CGNL1: variants seen among roughly 807,000 people sequenced by gnomAD.
The protein encoded by CGNL1 is cingulin-like protein 1.
CGNL1 carries 132 observed loss-of-function variants against 141.2 expected under a neutral mutation model. The observed-to-expected ratio is 0.93, with a 90% CI of 0.81 to 1.08. The LOEUF (loss-of-function observed/expected upper bound fraction) is 1.08. Ranked by LOEUF, CGNL1 falls within the 50% of genes least tolerant of loss-of-function variation. CGNL1 has a pLI of 0.00. For synonymous variants in CGNL1, 690 were observed against 622.1 expected (o/e 1.11, Z -1.63); for missense variants, 1,870 against 1,588.6 (o/e 1.18, Z -3.01).
chr15:57,430,610 C>T (rs941842336), intron 1 of CGNL1, among the ~76,000 whole-genome samples: 1 of 152,040 alleles, frequency 6.6e-6, no homozygotes, highest in Admixed American at 6.6e-5. Flanking sequence ...CACAGGGAAA[C>T]GAGGCGGGTA....
intron 8 of CGNL1, among the ~76,000 whole-genome samples, chr15:57,487,379 A>G (rs2063799203): frequency 6.6e-6 from 1 of 152,154 alleles, no homozygotes; most frequent in Non-Finnish European, 1.5e-5. Flanking sequence ...AAAAAGGTAA[A>G]AGAGGAGGAT....
intron 3 of CGNL1, among the ~76,000 whole-genome samples, 164 bp from the exon 4 acceptor site, chr15:57,442,209 C>T (rs910624796): frequency 2.6e-5 from 2 of 75,954 alleles, no homozygotes; most frequent in African/African-American, 9.8e-5. Flanking sequence ...AAAAAGACAC[C>T]ATCCATCCTA....
intron 8 of CGNL1, among the ~76,000 whole-genome samples, chr15:57,474,443 G>C (rs908814142): frequency 6.6e-6 from 1 of 152,148 alleles, no homozygotes; most frequent in Middle Eastern, 3.2e-3. Flanking sequence ...ATATCTCTTA[G>C]GTGATATGTC....
intron 1 of CGNL1, among the ~76,000 whole-genome samples, chr15:57,377,654 T>C (rs1022402358): frequency 6.6e-6 from 1 of 152,152 alleles, no homozygotes; most frequent in Non-Finnish European, 1.5e-5. Context: ...TTACTGAAGA[T>C]CCCTTTGTTT....
intron 8 of CGNL1, among the ~76,000 whole-genome samples, chr15:57,505,933 G>A (rs1257785760): frequency 6.6e-6 from 1 of 152,228 alleles, no homozygotes; most frequent in African/African-American, 2.4e-5. Flanking sequence ...AGCAAAATGG[G>A]AAAGTTGAAG....
intron 3 of CGNL1, among the ~76,000 whole-genome samples, chr15:57,442,033 A>G (rs2063193848): frequency 6.6e-6 from 1 of 152,068 alleles, no homozygotes; most frequent in Non-Finnish European, 1.5e-5. Context: ...TTCTTTTTGG[A>G]ATGGACATGA....
At chr15:57,409,037 T>TCTCACACACACACACACACACACACACA (rs143760210) in intron 1 of CGNL1, among the ~76,000 whole-genome samples, 1 of 141,736 alleles carries the variant, frequency 7.1e-6, no homozygotes, top group African/African-American at 2.7e-5. Context: ...TGAGACTCTG[T>TCTCACACACACACACACACACACACACA]CACACACACA....
chr15:57,484,898 A>T (rs2063768511), intron 8 of CGNL1, among the ~76,000 whole-genome samples: 1 of 151,384 alleles, frequency 6.6e-6, no homozygotes, highest in East Asian at 1.9e-4. Flanking sequence ...TCATTCTTTT[A>T]AAAGAATCAG....
At chr15:57,402,390 C>A (rs558355119) in intron 1 of CGNL1, among the ~76,000 whole-genome samples, 1 of 152,206 alleles carries the variant, frequency 6.6e-6, no homozygotes, top group African/African-American at 2.4e-5. Flanking sequence ...GCCTGCAGAA[C>A]CGTGAGCCAA....
intron 1 of CGNL1, among the ~76,000 whole-genome samples, chr15:57,389,067 G>T (rs2062514932): frequency 6.6e-6 from 1 of 152,032 alleles, no homozygotes; most frequent in Non-Finnish European, 1.5e-5. Flanking sequence ...GGCACGAGGG[G>T]ATGTCAACTA....
At chr15:57,497,645 C>T (rs2063959700) in intron 8 of CGNL1, among the ~76,000 whole-genome samples, 1 of 152,136 alleles carries the variant, frequency 6.6e-6, no homozygotes, top group South Asian at 2.1e-4. Context: ...CTACAGTTTC[C>T]AGAAATGCAG....
At chr15:57,397,551 A>T (rs1210442619) in intron 1 of CGNL1, among the ~76,000 whole-genome samples, 2 of 152,184 alleles carry the variant, frequency 1.3e-5, no homozygotes, top group Non-Finnish European at 2.9e-5. Flanking sequence ...GCTAATTTTT[A>T]AATTATAAAA....
intron 1 of CGNL1, among the ~76,000 whole-genome samples, chr15:57,381,860 G>A (rs1231290324): frequency 6.6e-6 from 1 of 152,194 alleles, no homozygotes; most frequent in Non-Finnish European, 1.5e-5. Flanking sequence ...AAAGGCCACT[G>A]CGACCTTGTG....
chr15:57,539,998 T>C (rs1425390515), intron 14 of CGNL1, among the ~76,000 whole-genome samples: 1 of 152,142 alleles, frequency 6.6e-6, no homozygotes, highest in Non-Finnish European at 1.5e-5. Flanking sequence ...GCACAATAAA[T>C]CTGTGAGCAG....
intron 1 of CGNL1, chr15:57,402,724 T>G: frequency 6.6e-6 from 1 of 152,284 alleles, no homozygotes; most frequent in Non-Finnish European, 1.5e-5. Flanking sequence ...GGTAAGTGTT[T>G]GACAAGTTAA....
At chr15:57,520,270 CAGAT>C (rs2140118930) in intron 10 of CGNL1, among the ~76,000 whole-genome samples, 1 of 152,292 alleles carries the variant, frequency 6.6e-6, no homozygotes, top group Admixed American at 6.5e-5. Context: ...AATTGGAAAC[CAGAT>C]AGTCAGCTCC....
Position 57,378,363 on chromosome 15 carries a change from GTTTTTTTTTTTTTTTTTT to G in CGNL1, c.-16+1814_-16+1831del, listed in dbSNP as rs71116514. 4.5e-3 allele frequency among the ~76,000 whole-genome samples: 153 copies of G among 33,954 alleles called. 2 individuals are homozygous for G. Among genetic ancestry groups the G allele is most frequent in the African/African-American group, 0.017 (147 of 8,816 alleles). The allele number at this position is 33,954 out of a possible 152,430, so 22.3% of individuals were successfully genotyped here. ...TTTCTTAGGGGGTGGCCCTCTATGT[GTTTTTTTTTTTTTTTTTT>G]TTTTTTTTTTTTTTTTTGAGACAGA... is the stretch of plus-strand genomic sequence containing the variant. On this transcript the variant is annotated intron_variant, in intron 1 of 18. Coordinates refer to ENST00000281282, the MANE Select transcript of CGNL1 (RefSeq NM_032866.5).
chr15:57,484,921 T>C (rs1410118475), intron 8 of CGNL1, among the ~76,000 whole-genome samples: 2 of 151,296 alleles, frequency 1.3e-5, no homozygotes, highest in Admixed American at 6.6e-5. Context: ...TCTCGTTTCA[T>C]TGGGTTTTTT....
chr15:57,469,109 G>C (rs2063547922), intron 8 of CGNL1, among the ~76,000 whole-genome samples: 1 of 152,064 alleles, frequency 6.6e-6, no homozygotes, highest in African/African-American at 2.4e-5. Flanking sequence ...GTGGTGGTGT[G>C]ACCTGAGGCT....
Sources: gnomAD v4.1 joint callset for allele counts (sites outside exome capture counted in the v4.1 genomes callset) on GRCh38, gnomAD v4.1.1 for gene constraint, MANE v1.5 for transcripts, NCBI Gene and HGNC (gene_info 2026-07-23, HGNC 2026-07-21) for gene names.